MYOM2: variants seen among roughly 807,000 people sequenced by gnomAD.
The protein encoded by MYOM2 is myomesin 2.
MYOM2 carries 254 observed loss-of-function variants against 187.6 expected under a neutral mutation model. That is an observed-to-expected ratio of 1.35 (90% CI 1.22 to 1.50). MYOM2 has a LOEUF of 1.50. Among genes scored for constraint, MYOM2 ranks in the 40% most tolerant of loss-of-function variants. MYOM2 has a pLI of 0.00. For missense variants in MYOM2, 2,796 were observed against 1,924.0 expected, an observed-to-expected ratio of 1.45 and a Z score of -8.48; for synonymous variants, 981 against 753.8, an observed-to-expected ratio of 1.30 and a Z score of -4.94.
At chr8:2,111,578 A>G (rs545325793) in intron 25 of MYOM2, among the ~76,000 whole-genome samples, 2 of 152,142 alleles carry the variant, frequency 1.3e-5, no homozygotes, top group African/African-American at 4.8e-5. Context: ...CCTGAAGTTT[A>G]CTCTTGATAT....
At chr8:2,123,509 T>A in intron 29 of MYOM2, 46 bp from the exon 30 acceptor site, 1 of 1,542,504 alleles carries the variant, frequency 6.5e-7, no homozygotes, top group Non-Finnish European at 8.9e-7. Flanking sequence ...TTTTCTAAGA[T>A]TGCAGTATTG....
chr8:2,091,233 A>G (rs1585888834), intron 15 of MYOM2, among the ~76,000 whole-genome samples: 1 of 152,162 alleles, frequency 6.6e-6, no homozygotes, highest in Middle Eastern at 3.4e-3. Flanking sequence ...TTGTAGAGAT[A>G]GAGTTTCACC....
intron 13 of MYOM2, among the ~76,000 whole-genome samples, chr8:2,082,793 A>C (rs557547737): frequency 6.6e-6 from 1 of 152,344 alleles, no homozygotes; most frequent in African/African-American, 2.4e-5. Flanking sequence ...TTTGCAGCCC[A>C]CATGCTCAGT....
At chr8:2,143,100 T>C (rs753786132) in intron 35 of MYOM2, among the ~76,000 whole-genome samples, 2 of 152,010 alleles carry the variant, frequency 1.3e-5, no homozygotes, top group African/African-American at 2.4e-5. Context: ...CACGCGGCTC[T>C]CCAGGCCTTC....
intron 17 of MYOM2, among the ~76,000 whole-genome samples, 193 bp from the exon 18 acceptor site, chr8:2,096,054 T>C (rs1796471076): frequency 6.6e-6 from 1 of 152,182 alleles, no homozygotes; most frequent in South Asian, 2.1e-4. Flanking sequence ...TTATTTATTT[T>C]TGTACTCATC....
chr8:2,079,639 T>C, intron 13 of MYOM2, 26 bp downstream of exon 13: 1 of 1,608,676 alleles, frequency 6.2e-7, no homozygotes, highest in East Asian at 2.2e-5. Context: ...TCACCCCAGC[T>C]GCTCAGCCCC....
At chr8:2,115,377 TATGTATCTGTGC>T (rs1341864578) in intron 25 of MYOM2, among the ~76,000 whole-genome samples, 1 of 152,200 alleles carries the variant, frequency 6.6e-6, no homozygotes, top group Non-Finnish European at 1.5e-5. Flanking sequence ...AACACATTCA[TATGTATCTGTGC>T]ATGTACTGTA....
rs1414437378 is a variant in MYOM2, at chr8:2,116,284, C to A, written c.3385+9C>A. 4 of 1,611,376 alleles carry A rather than the reference C, an allele frequency of 2.5e-6. No homozygotes were observed. Among genetic ancestry groups the A allele is most frequent in the Non-Finnish European group, 3.4e-6 (4 of 1,178,546 alleles). Reference sequence around the variant, plus strand: ...ATTTCTCAGGAAACAAGGTGAGTTTCCTCACTCTGACCGGCTCCCCTGCCC... The same window carrying A: ...ATTTCTCAGGAAACAAGGTGAGTTTACTCACTCTGACCGGCTCCCCTGCCC... On this transcript the variant is annotated intron_variant, in intron 27 of 36. Transcript: ENST00000262113.
chr8:2,071,159 A>C (rs888434087), intron 8 of MYOM2, among the ~76,000 whole-genome samples: 2 of 146,794 alleles, frequency 1.4e-5, no homozygotes, highest in East Asian at 4.0e-4. Context: ...TTTTATTTTT[A>C]TTTTTTTTTG....
intron 31 of MYOM2, among the ~76,000 whole-genome samples, chr8:2,126,185 G>A (rs999637037): frequency 2.0e-5 from 3 of 152,190 alleles, no homozygotes; most frequent in African/African-American, 7.2e-5. Context: ...AGATGCAGCG[G>A]CTGAGGGGAC....
intron 13 of MYOM2, among the ~76,000 whole-genome samples, chr8:2,080,799 A>G (rs1249665776): frequency 6.6e-5 from 10 of 152,068 alleles, no homozygotes; most frequent in Admixed American, 6.5e-4. Context: ...CCCGTGTAGA[A>G]TGAGGTTGGT....
intron 33 of MYOM2, 126 bp downstream of exon 33, chr8:2,141,012 G>A: frequency 7.5e-7 from 1 of 1,327,006 alleles, no homozygotes. Context: ...TAGAGAAAAT[G>A]AAAAAATAAA....
At chr8:2,088,190 A>G (rs1476143253) in intron 14 of MYOM2, among the ~76,000 whole-genome samples, 1 of 152,122 alleles carries the variant, frequency 6.6e-6, no homozygotes, top group East Asian at 1.9e-4. Flanking sequence ...GTTGTCTTTT[A>G]TCCCTCGCCT....
chr8:2,090,221 C>T (rs1399762414), intron 15 of MYOM2, 30 bp downstream of exon 15: 2 of 1,600,878 alleles, frequency 1.2e-6, no homozygotes, highest in Non-Finnish European at 1.7e-6. Flanking sequence ...GGCCCCAAGT[C>T]AGGATGGACT....
chr8:2,085,602 C>CTCTGCGTGGCCCCCCACTGTT (rs1819835498), intron 14 of MYOM2, among the ~76,000 whole-genome samples: 1 of 5,890 alleles, frequency 1.7e-4, no homozygotes, highest in Non-Finnish European at 2.5e-4. Context: ...GCCCCACTGT[C>CTCTGCGTGGCCCCCCACTGTT]GTGATCTCTG....
In MYOM2 at chr8:2,143,727, A is replaced by G. The variant is rs149188926; in HGVS notation, c.4080+271A>G. Among the ~76,000 whole-genome samples, 715 of 152,314 alleles carry G rather than the reference A, an allele frequency of 4.7e-3. 14 individuals carry two copies. Among genetic ancestry groups the G allele is most frequent in the East Asian group, 0.045 (231 of 5,178 alleles). Reference sequence around the variant, plus strand: ...TGTGCCACTCAGGCACCTCAAGGCAAGTGCTGTGGCTTTGGGTGTTTCTAT... The same window carrying G: ...TGTGCCACTCAGGCACCTCAAGGCAGGTGCTGTGGCTTTGGGTGTTTCTAT... On this transcript the variant is annotated intron_variant, in intron 36 of 36. Coordinates refer to ENST00000262113, the MANE Select transcript of MYOM2 (RefSeq NM_003970.4).
At chr8:2,100,077 CTTTCTTCT>C (rs1469302773) in intron 19 of MYOM2, among the ~76,000 whole-genome samples, 14 of 92,124 alleles carry the variant, frequency 1.5e-4, no homozygotes, top group East Asian at 1.3e-3. Context: ...TCTTTCCTTC[CTTTCTTCT>C]TTCCTTCCTT....
chr8:2,073,101 C>G (rs1368838495), intron 9 of MYOM2, among the ~76,000 whole-genome samples: 1 of 152,180 alleles, frequency 6.6e-6, no homozygotes, highest in Non-Finnish European at 1.5e-5. Flanking sequence ...CCGCTCGCAG[C>G]ACGTCCCACT....
At chr8:2,091,337 C>T (rs903533112) in intron 15 of MYOM2, among the ~76,000 whole-genome samples, 2 of 152,148 alleles carry the variant, frequency 1.3e-5, no homozygotes, top group Non-Finnish European at 2.9e-5. Flanking sequence ...AGCCAGGGTG[C>T]CCAGCCAGGC....
Sources: gnomAD v4.1 joint callset for allele counts (sites outside exome capture counted in the v4.1 genomes callset) on GRCh38, gnomAD v4.1.1 for gene constraint, MANE v1.5 for transcripts, NCBI Gene and HGNC (gene_info 2026-07-23, HGNC 2026-07-21) for gene names.